CCDC85A: variants seen among roughly 807,000 people sequenced by gnomAD.
CCDC85A encodes the protein coiled-coil domain containing 85A, also known as coiled-coil domain-containing protein 85A.
CCDC85A carries 38 observed loss-of-function variants against 50.2 expected under a neutral mutation model. The observed-to-expected ratio is 0.76, with a 90% confidence interval of 0.58 to 0.99. The LOEUF is 0.99. Ranked by LOEUF, CCDC85A falls within the 50% of genes least tolerant of loss-of-function variation. The probability of loss-of-function intolerance (pLI) is 0.00; values close to 1 mark genes in which losing one functional copy is unlikely to be tolerated. For synonymous variants in CCDC85A, 366 were observed against 301.4 expected (o/e 1.21, Z -2.22); for missense variants, 820 against 742.0 (o/e 1.11, Z -1.22).
intron 2 of CCDC85A, among the ~76,000 whole-genome samples, chr2:56,222,860 C>G (rs753050271): frequency 2.0e-5 from 3 of 152,080 alleles, no homozygotes; most frequent in Non-Finnish European, 4.4e-5. Context: ...TACTCAAAAT[C>G]ATTTTTGGAA....
intron 2 of CCDC85A, among the ~76,000 whole-genome samples, chr2:56,213,583 G>A (rs190364133): frequency 1.5e-3 from 228 of 151,994 alleles, no homozygotes; most frequent in Non-Finnish European, 2.3e-3. Flanking sequence ...GGGGAAAAGG[G>A]GAGATAAATG....
intron 2 of CCDC85A, among the ~76,000 whole-genome samples, chr2:56,208,269 A>C (rs1310208462): frequency 6.6e-6 from 1 of 152,136 alleles, no homozygotes; most frequent in Non-Finnish European, 1.5e-5. Flanking sequence ...CAGGATACCA[A>C]ATTTCATTAG....
At chr2:56,345,569 T>C (rs1218435297) in intron 3 of CCDC85A, among the ~76,000 whole-genome samples, 2 of 152,152 alleles carry the variant, frequency 1.3e-5, no homozygotes, top group East Asian at 3.8e-4. Context: ...TACTAAGATA[T>C]AATAGAGGTA....
chr2:56,353,502 A>C (rs1675061781), intron 3 of CCDC85A, among the ~76,000 whole-genome samples: 1 of 152,246 alleles, frequency 6.6e-6, no homozygotes, highest in Admixed American at 6.5e-5. Flanking sequence ...GGTGTAAATA[A>C]AAGCTTGGGC....
At chr2:56,309,237 C>A (rs538590753) in intron 2 of CCDC85A, among the ~76,000 whole-genome samples, 1 of 152,210 alleles carries the variant, frequency 6.6e-6, no homozygotes, top group South Asian at 2.1e-4. Context: ...TGATATGAGA[C>A]CTTTCTGTGA....
chr2:56,190,203 C>T (rs1361217311), intron 1 of CCDC85A, among the ~76,000 whole-genome samples: 1 of 152,126 alleles, frequency 6.6e-6, no homozygotes, highest in Non-Finnish European at 1.5e-5. Context: ...TGGATCGGTT[C>T]GCAAGACCAA....
At chr2:56,348,866 A>AT (rs1674761227) in intron 3 of CCDC85A, among the ~76,000 whole-genome samples, 1 of 151,994 alleles carries the variant, frequency 6.6e-6, no homozygotes, top group East Asian at 1.9e-4. Context: ...TCCTTTTCAC[A>AT]TTTTCTGACT....
intron 2 of CCDC85A, among the ~76,000 whole-genome samples, chr2:56,256,741 G>A (rs976346959): frequency 6.6e-6 from 1 of 152,178 alleles, no homozygotes; most frequent in African/African-American, 2.4e-5. Flanking sequence ...ATGTCTGAGT[G>A]GCATGAATGA....
chr2:56,292,312 T>C (rs963751761), intron 2 of CCDC85A, among the ~76,000 whole-genome samples: 7 of 152,148 alleles, frequency 4.6e-5, no homozygotes, highest in Admixed American at 1.3e-4. Context: ...CTCAATCTCC[T>C]GACCTCGTGA....
intron 2 of CCDC85A, among the ~76,000 whole-genome samples, chr2:56,277,098 T>G (rs1159893522): frequency 6.6e-6 from 1 of 152,200 alleles, no homozygotes; most frequent in Non-Finnish European, 1.5e-5. Context: ...TTTTTTGCTT[T>G]GATGACTTTT....
At chr2:56,270,483 G>A (rs1670650116) in intron 2 of CCDC85A, among the ~76,000 whole-genome samples, 1 of 152,090 alleles carries the variant, frequency 6.6e-6, no homozygotes, top group South Asian at 2.1e-4. Flanking sequence ...AAACACCCTG[G>A]ATGAAAAGTA....
At chr2:56,339,871 A>G (rs995708357) in intron 2 of CCDC85A, among the ~76,000 whole-genome samples, 3 of 152,220 alleles carry the variant, frequency 2.0e-5, no homozygotes, top group Admixed American at 6.5e-5. Flanking sequence ...CATGAAATCA[A>G]TAACTTTGCT....
chr2:56,229,199 G>C (rs1356611085), intron 2 of CCDC85A, among the ~76,000 whole-genome samples: 1 of 152,178 alleles, frequency 6.6e-6, no homozygotes, highest in Non-Finnish European at 1.5e-5. Context: ...TATATCCAAA[G>C]CTTCATTTGT....
chr2:56,188,329 G>T lies in CCDC85A; in HGVS notation c.276+3429G>T, dbSNP rs151047983. Among the ~76,000 whole-genome samples the T allele has an allele frequency of 7.7e-3, 1,175 of 152,234 alleles. 9 individuals carry two copies. Among genetic ancestry groups the T allele is most frequent in the Non-Finnish European group, 0.011 (754 of 68,026 alleles). On this transcript the variant is annotated intron_variant, in intron 1 of 5. Coordinates refer to ENST00000407595, the MANE Select transcript of CCDC85A (RefSeq NM_001080433.2). ...TCAAGAAAACTAATAATAGAAAGAG[G>T]GAACTGTGATATAGAAATGGGAGTG...
At chr2:56,222,434 A>G (rs1668365255) in intron 2 of CCDC85A, among the ~76,000 whole-genome samples, 1 of 152,146 alleles carries the variant, frequency 6.6e-6, no homozygotes, top group African/African-American at 2.4e-5. Flanking sequence ...CGTGGAATGC[A>G]TCTGAAATAC....
chr2:56,383,141 T>C (rs2104410917), intron 5 of CCDC85A, among the ~76,000 whole-genome samples: 1 of 152,114 alleles, frequency 6.6e-6, no homozygotes, highest in East Asian at 1.9e-4. Flanking sequence ...ATTAACAGTT[T>C]CTTTGGCTTA....
In CCDC85A at chr2:56,372,445, C is replaced by T; in HGVS notation, c.1419C>T (p.Cys473=). ...ARRVLQWWQG[C]RGIGRCLPTL... ...GGGTCTTGCAGTGGTGGCAAGGGTG[C>T]CGAGGAATAGGACGATGCCTGCCTA... Residue 473 remains cysteine (C), a synonymous_variant, in exon 4 of 6, where the codon TGC becomes TGT. Coordinates refer to ENST00000407595, the MANE Select transcript of CCDC85A (RefSeq NM_001080433.2). 1.2e-6 allele frequency: 2 copies of T among 1,608,938 alleles called. No individual in the cohort carries two copies. Among genetic ancestry groups the T allele is most frequent in the South Asian group, 2.2e-5 (2 of 89,878 alleles).
intron 2 of CCDC85A, among the ~76,000 whole-genome samples, chr2:56,262,368 C>G (rs368740418): frequency 4.9e-4 from 74 of 152,252 alleles, no homozygotes; most frequent in African/African-American, 1.8e-3. Context: ...TGCATAAAGA[C>G]TCAGTTTTTC....
At chr2:56,379,239 A>G (rs904212562) in intron 5 of CCDC85A, among the ~76,000 whole-genome samples, 5 of 152,186 alleles carry the variant, frequency 3.3e-5, no homozygotes, top group African/African-American at 1.2e-4. Context: ...CACTGGGAAC[A>G]TGTCCAGGCA....
Sources: gnomAD v4.1 joint callset for allele counts (sites outside exome capture counted in the v4.1 genomes callset) on GRCh38, gnomAD v4.1.1 for gene constraint, MANE v1.5 for transcripts, NCBI Gene and HGNC (gene_info 2026-07-23, HGNC 2026-07-21) for gene names.